Variants in PEBP4 observed in about 807,000 individuals in gnomAD.
The protein encoded by PEBP4 is phosphatidylethanolamine binding protein 4.
Under a neutral mutation model 23.9 loss-of-function variants are expected in PEBP4, and 22 were observed. That is an observed-to-expected ratio of 0.92 (90% CI 0.66 to 1.31). The LOEUF is 1.31. Ranked by LOEUF, PEBP4 falls within the 40% of genes most tolerant of loss-of-function variation. The pLI is 0.00. For missense variants in PEBP4, 324 were observed against 281.7 expected (o/e 1.15, Z -1.07); for synonymous variants, 112 against 99.3 (o/e 1.13, Z -0.76).
intron 3 of PEBP4, among the ~76,000 whole-genome samples, chr8:22,862,414 G>T (rs552599459): frequency 6.6e-6 from 1 of 151,978 alleles, no homozygotes; most frequent in East Asian, 2.0e-4. Context: ...TTAATGTCAG[G>T]GTCCCTGATT....
chr8:22,906,514 A>C (rs1181625082), intron 3 of PEBP4, among the ~76,000 whole-genome samples: 2 of 152,220 alleles, frequency 1.3e-5, no homozygotes, highest in Non-Finnish European at 2.9e-5. Flanking sequence ...CTTTAAAAAA[A>C]CAAACAAACA....
chr8:22,833,552 G>A (rs1436076240), intron 3 of PEBP4, among the ~76,000 whole-genome samples: 1 of 152,130 alleles, frequency 6.6e-6, no homozygotes, highest in Non-Finnish European at 1.5e-5. Flanking sequence ...GGCTAGCCTC[G>A]AACTCCTGAC....
At chr8:22,810,669 GGTGT>G (rs60078589) in intron 4 of PEBP4, among the ~76,000 whole-genome samples, 12,593 of 128,994 alleles carry the variant, frequency 0.098, 638 homozygotes, top group Middle Eastern at 0.15. Flanking sequence ...CTCATGGAGG[GGTGT>G]GTGTGTGTGT....
intron 4 of PEBP4, among the ~76,000 whole-genome samples, chr8:22,769,608 C>T (rs531353428): frequency 1.7e-4 from 26 of 152,248 alleles, no homozygotes; most frequent in African/African-American, 6.0e-4. Context: ...TCCCCAGGCC[C>T]CGCCTCCCCA....
intron 4 of PEBP4, among the ~76,000 whole-genome samples, chr8:22,727,513 C>T (rs113678015): frequency 0.011 from 1,623 of 152,178 alleles, 23 homozygotes; most frequent in African/African-American, 0.037. Context: ...TCTAGAGAGG[C>T]CCTGTAGGAC....
Position 22,927,687 on chromosome 8 carries a change from C to T in PEBP4, c.28G>A (p.Ala10Thr). 2 of 1,613,982 alleles carry T rather than the reference C, an allele frequency of 1.2e-6. No homozygotes were observed. The highest frequency in any genetic ancestry group is 2.7e-5 in the African/African-American group (2 of 75,066). ...ATCATGAGACCCAGTAACAGTGCTGCTGTGACCAGCCTCATTGTCCAACCC... is the reference window on the plus strand; with the variant it reads ...ATCATGAGACCCAGTAACAGTGCTGTTGTGACCAGCCTCATTGTCCAACCC... Reference protein sequence around the residue: MGWTMRLVTAALLLGLMMVV... With the variant: MGWTMRLVTTALLLGLMMVV... Residue 10 changes from alanine (A) to threonine (T), a missense_variant, in exon 2 of 7, where the codon GCA becomes ACA. Ala to Thr is a moderately conservative substitution (Grantham distance 58). Coordinates refer to ENST00000256404, the MANE Select transcript of PEBP4 (RefSeq NM_144962.3).
intron 1 of PEBP4, among the ~76,000 whole-genome samples, chr8:22,937,575 A>T (rs2128783508): frequency 6.6e-6 from 1 of 152,274 alleles, no homozygotes; most frequent in Admixed American, 6.5e-5. Context: ...AGAAATAGAA[A>T]AACCCATCCT....
intron 3 of PEBP4, among the ~76,000 whole-genome samples, chr8:22,909,759 C>G (rs1231384524): frequency 6.6e-6 from 1 of 152,238 alleles, no homozygotes; most frequent in African/African-American, 2.4e-5. Flanking sequence ...GGGAATCTTT[C>G]TGTGCCTCAG....
At chr8:22,851,214 T>A (rs1807542156) in intron 3 of PEBP4, among the ~76,000 whole-genome samples, 1 of 152,128 alleles carries the variant, frequency 6.6e-6, no homozygotes, top group Non-Finnish European at 1.5e-5. Context: ...CATGCAGGAC[T>A]CCACGGAGAC....
intron 3 of PEBP4, among the ~76,000 whole-genome samples, chr8:22,819,651 C>T (rs1162869244): frequency 6.6e-6 from 1 of 152,076 alleles, no homozygotes; most frequent in African/African-American, 2.4e-5. Flanking sequence ...CTCTCTGTTG[C>T]CCAGGAGTGC....
intron 4 of PEBP4, among the ~76,000 whole-genome samples, chr8:22,792,884 C>T (rs548933451): frequency 3.3e-5 from 5 of 152,038 alleles, no homozygotes; most frequent in Admixed American, 6.5e-5. Flanking sequence ...CAAATGCTCC[C>T]GAAAGAAACC....
At chr8:22,756,042 A>G (rs1172902257) in intron 4 of PEBP4, 1 of 152,276 alleles carries the variant, frequency 6.6e-6, no homozygotes, top group Admixed American at 6.5e-5. Context: ...AATAATCATT[A>G]TAATGATGTA....
chr8:22,884,438 A>C (rs980392421), intron 3 of PEBP4: 1 of 152,194 alleles, frequency 6.6e-6, no homozygotes, highest in Non-Finnish European at 1.5e-5. Flanking sequence ...GAATGTCAGG[A>C]TGTGCATTCT....
intron 3 of PEBP4, among the ~76,000 whole-genome samples, chr8:22,859,899 A>G (rs1010737693): frequency 4.0e-5 from 6 of 151,696 alleles, no homozygotes; most frequent in Non-Finnish European, 2.9e-5. Flanking sequence ...CAGGAGGATC[A>G]CTTGAGCCCA....
chr8:22,933,892 G>T (rs1209910814), intron 1 of PEBP4, among the ~76,000 whole-genome samples: 1 of 152,162 alleles, frequency 6.6e-6, no homozygotes, highest in Admixed American at 6.5e-5. Context: ...AGGTTTATTT[G>T]GCTCACAATT....
In PEBP4 at chr8:22,869,348, G is replaced by T. The variant is rs567315242; in HGVS notation, c.258+50836C>A. Among the ~76,000 whole-genome samples, 163 of 152,168 alleles carry T rather than the reference G, an allele frequency of 1.1e-3. 1 individual carries two copies. The highest frequency in any genetic ancestry group is 3.8e-3 in the African/African-American group (159 of 41,474). On this transcript the variant is annotated intron_variant, in intron 3 of 6. Coordinates refer to ENST00000256404, the MANE Select transcript of PEBP4 (RefSeq NM_144962.3). ...TATTTATGTTTGTTTATTTATTTTT[G>T]TGTATGTCTCCCCTACCAGAAAGTG...
At chr8:22,739,508 C>T (rs887400692) in intron 4 of PEBP4, among the ~76,000 whole-genome samples, 1 of 152,130 alleles carries the variant, frequency 6.6e-6, no homozygotes, top group Non-Finnish European at 1.5e-5. Flanking sequence ...GAGGAAGTGA[C>T]CTGACCAGAC....
chr8:22,838,013 C>T (rs1018749576), intron 3 of PEBP4, among the ~76,000 whole-genome samples: 1 of 149,558 alleles, frequency 6.7e-6, no homozygotes, highest in African/African-American at 2.5e-5. Flanking sequence ...ATCTTCCAAC[C>T]TCAGCCCCCT....
At chr8:22,742,283 C>T (rs765945266) in intron 4 of PEBP4, among the ~76,000 whole-genome samples, 5 of 152,262 alleles carry the variant, frequency 3.3e-5, no homozygotes, top group Admixed American at 6.5e-5. Context: ...CCAGCTCTTG[C>T]GCCCCTGGTC....
Sources: gnomAD v4.1 joint callset for allele counts (sites outside exome capture counted in the v4.1 genomes callset) on GRCh38, gnomAD v4.1.1 for gene constraint, MANE v1.5 for transcripts, NCBI Gene and HGNC (gene_info 2026-07-23, HGNC 2026-07-21) for gene names.